Variants in SOS2 observed in about 807,000 individuals in gnomAD.
SOS2 encodes son of sevenless homolog 2.
A neutral mutation model predicts 148.2 loss-of-function variants in SOS2; 65 were observed. That is an observed-to-expected ratio of 0.44 (90% CI 0.36 to 0.54). The LOEUF is 0.54. Ranked by LOEUF, SOS2 falls within the 20% of genes least tolerant of loss-of-function variation. The pLI, the probability that SOS2 is intolerant of heterozygous loss-of-function variation, is 0.00. For synonymous variants in SOS2, 539 were observed against 537.1 expected (o/e 1.00, Z -0.05); for missense variants, 1,341 against 1,590.2 (o/e 0.84, Z 2.67).
At chr14:50,120,658 A>G (rs550416841) in intron 21 of SOS2, among the ~76,000 whole-genome samples, 2 of 152,046 alleles carry the variant, frequency 1.3e-5, no homozygotes, top group African/African-American at 2.4e-5. Flanking sequence ...CTCCCTGAAA[A>G]GCCTTTCACA....
chr14:50,161,789 CTTTTTT>C (rs36219580), intron 8 of SOS2, among the ~76,000 whole-genome samples, 180 bp from the exon 9 acceptor site: 22 of 135,308 alleles, frequency 1.6e-4, no homozygotes, highest in African/African-American at 3.8e-4. Flanking sequence ...CTTTTTCTTT[CTTTTTT>C]TTTTTTTTTT....
chr14:50,144,574 A>G (rs1272278707), intron 16 of SOS2, among the ~76,000 whole-genome samples: 2 of 152,112 alleles, frequency 1.3e-5, no homozygotes, highest in Non-Finnish European at 2.9e-5. Flanking sequence ...AGTAGCTGGG[A>G]TAACAGGCGT....
chr14:50,225,741 T>C (rs764384625), intron 1 of SOS2, among the ~76,000 whole-genome samples: 2 of 152,172 alleles, frequency 1.3e-5, no homozygotes, highest in African/African-American at 2.4e-5. Context: ...CTTATTAGTT[T>C]TTGGCTTTGA....
chr14:50,161,798 T>C lies in SOS2; in HGVS notation c.1069-189A>G, dbSNP rs202040409. On this transcript the variant is annotated intron_variant, in intron 8 of 22. Coordinates refer to ENST00000216373, the MANE Select transcript of SOS2 (RefSeq NM_006939.4). The stretch of plus-strand genomic sequence containing the variant: ...CCAACCCTTTTTCTTTCTTTTTTTT[T>C]TTTTTTTTTGAAACAGGATCTCACT... Among the ~76,000 whole-genome samples the C allele has an allele frequency of 1.9e-4, 28 of 149,366 alleles. No homozygotes were observed. The East Asian group carries it at 2.3e-3, about 12-fold the overall frequency.
intron 12 of SOS2, among the ~76,000 whole-genome samples, chr14:50,154,844 T>G (rs1460860843): frequency 6.6e-6 from 1 of 152,180 alleles, no homozygotes; most frequent in African/African-American, 2.4e-5. Flanking sequence ...TAGTAACATT[T>G]GATATCTTGA....
At chr14:50,193,202 G>T (rs1166978193) in intron 4 of SOS2, among the ~76,000 whole-genome samples, 4 of 151,568 alleles carry the variant, frequency 2.6e-5, no homozygotes, top group African/African-American at 9.7e-5. Flanking sequence ...TTCTTTCTTT[G>T]TTTCTTTTTT....
At chr14:50,196,216 T>C (rs1292974929) in intron 4 of SOS2, among the ~76,000 whole-genome samples, 1 of 152,116 alleles carries the variant, frequency 6.6e-6, no homozygotes, top group Non-Finnish European at 1.5e-5. Context: ...TTGCACAGTA[T>C]GGTGAATATA....
At position 50,145,530 on chromosome 14, in the gene SOS2, T is replaced by C. The variant is rs1884439663; in HGVS notation, c.2451A>G (p.Pro817=). The change falls in exon 15 of 23, where the codon CCA becomes CCG. Residue 817 remains proline, a synonymous_variant. Transcript: ENST00000216373. ...WTKEDKEINS[P]NLLKMIRHTT... ...TATGGCGAATCATTTTTAATAAATT[T>C]GGAGAATTTATTTCTTTATCTTCTT... The C allele has an allele frequency of 6.2e-7, 1 of 1,608,340 alleles. No individual in the cohort carries two copies. Among genetic ancestry groups the C allele is most frequent in the Non-Finnish European group, 8.5e-7 (1 of 1,175,962 alleles).
At chr14:50,189,887 CACCCAGGCTGGA>C (rs965914328) in intron 4 of SOS2, among the ~76,000 whole-genome samples, 1 of 149,028 alleles carries the variant, frequency 6.7e-6, no homozygotes, top group African/African-American at 2.5e-5. Context: ...CTTGCTCTCT[CACCCAGGCTGGA>C]GTACAGTGGC....
chr14:50,121,353 T>A (rs1292555476), intron 21 of SOS2, among the ~76,000 whole-genome samples: 1 of 152,236 alleles, frequency 6.6e-6, no homozygotes, highest in Non-Finnish European at 1.5e-5. Context: ...CTATGTCTTA[T>A]TTGTCATTAT....
Position 50,200,976 on chromosome 14 carries a change from C to A in SOS2, c.322G>T (p.Asp108Tyr). ...KRRNPLLLPV[D>Y]KIHPSLKEVL... ...ACCTTCAACGAAGGATGGATTTTGTCCACAGGCAGTAAAAGAGGATTTCTT... is the reference window on the plus strand; with the variant it reads ...ACCTTCAACGAAGGATGGATTTTGTACACAGGCAGTAAAAGAGGATTTCTT... The change falls in exon 3 of 23, where the codon GAC becomes TAC. Residue 108 changes from aspartate (D) to tyrosine (Y), a missense_variant. Transcript: ENST00000216373. 6.2e-7 allele frequency: 1 copy of A among 1,613,938 alleles called. No homozygotes were observed. Among genetic ancestry groups the A allele is most frequent in the South Asian group, 1.1e-5 (1 of 91,074 alleles).
At chr14:50,227,554 C>T (rs983801022) in intron 1 of SOS2, among the ~76,000 whole-genome samples, 11 of 152,144 alleles carry the variant, frequency 7.2e-5, no homozygotes, top group Admixed American at 7.2e-4. Flanking sequence ...GCTGGGACTA[C>T]AGGCGTCCGC....
chr14:50,180,713 G>A (rs1364001847), intron 6 of SOS2, 31 bp from the exon 7 acceptor site: 2 of 1,230,046 alleles, frequency 1.6e-6, no homozygotes, highest in Admixed American at 4.0e-5. Flanking sequence ...AAAGCATTAG[G>A]TTTAAAAGAA....
chr14:50,157,221 G>T, intron 11 of SOS2, 100 bp from the exon 12 acceptor site: 1 of 1,349,206 alleles, frequency 7.4e-7, no homozygotes, highest in Non-Finnish European at 1.0e-6. Context: ...TCCACGAAAA[G>T]TGGATTACTG....
intron 21 of SOS2, among the ~76,000 whole-genome samples, chr14:50,122,180 C>T (rs1466699096): frequency 6.6e-6 from 1 of 152,112 alleles, no homozygotes; most frequent in Non-Finnish European, 1.5e-5. Flanking sequence ...AGGAGATATT[C>T]TGGGGGCTAA....
At chr14:50,127,023 C>T (rs886959770) in intron 21 of SOS2, among the ~76,000 whole-genome samples, 8 of 152,080 alleles carry the variant, frequency 5.3e-5, no homozygotes, top group African/African-American at 1.7e-4. Context: ...CCTGCTGCTT[C>T]CCAGTACACC....
chr14:50,196,417 TACAA>T (rs1886313822), intron 4 of SOS2, among the ~76,000 whole-genome samples: 1 of 152,192 alleles, frequency 6.6e-6, no homozygotes, highest in African/African-American at 2.4e-5. Context: ...TTTTTTGTGT[TACAA>T]ACAATCCAAT....
chr14:50,165,904 AT>A (rs1457522986), intron 8 of SOS2, among the ~76,000 whole-genome samples: 1 of 152,206 alleles, frequency 6.6e-6, no homozygotes, highest in Non-Finnish European at 1.5e-5. Flanking sequence ...AAATTAAGTA[AT>A]TTGCCCAATA....
chr14:50,143,808 A>G (rs1363811159), intron 16 of SOS2, among the ~76,000 whole-genome samples: 1 of 147,814 alleles, frequency 6.8e-6, no homozygotes, highest in African/African-American at 2.5e-5. Flanking sequence ...GAGGCATGCA[A>G]CACCATGCCT....
Sources: gnomAD v4.1 joint callset for allele counts (sites outside exome capture counted in the v4.1 genomes callset) on GRCh38, gnomAD v4.1.1 for gene constraint, MANE v1.5 for transcripts, NCBI Gene and HGNC (gene_info 2026-07-23, HGNC 2026-07-21) for gene names.